Variants in MCM3AP observed in about 807,000 individuals in gnomAD.
MCM3AP encodes minichromosome maintenance complex component 3 associated protein.
MCM3AP carries 126 observed loss-of-function variants against 184.1 expected under a neutral mutation model. The ratio of observed to expected loss-of-function variants is 0.68; its 90% CI spans 0.59 to 0.79. The LOEUF (loss-of-function observed/expected upper bound fraction) is 0.79. MCM3AP is among the 30% of genes least tolerant of loss of function. The pLI is 0.00. For synonymous variants in MCM3AP, 1,002 were observed against 979.3 expected (o/e 1.02, Z -0.43); for missense variants, 2,496 against 2,479.2 (o/e 1.01, Z -0.14).
chr21:46,279,551 G>T (rs1276585838), intron 4 of MCM3AP, among the ~76,000 whole-genome samples: 1 of 152,242 alleles, frequency 6.6e-6, no homozygotes, highest in East Asian at 1.9e-4. Context: ...GCCTCCCCTG[G>T]ATCTCCTGTA....
intron 20 of MCM3AP, chr21:46,249,715 A>G (rs1335598167): frequency 2.5e-6 from 1 of 401,854 alleles, no homozygotes; most frequent in Non-Finnish European, 4.9e-6. Flanking sequence ...TAATGGCAAC[A>G]CTGAGCAAGC....
In MCM3AP at chr21:46,244,846, C is replaced by T. The variant is rs777598152; in HGVS notation, c.4999G>A (p.Gly1667Arg). The T allele has an allele frequency of 5.6e-6, 9 of 1,613,976 alleles. No homozygotes were observed. The highest frequency in any genetic ancestry group is 2.7e-5 in the African/African-American group (2 of 74,948). Reference protein sequence around the residue: ...HLAWLKQAVLGFQLPQMDLPP... With the variant: ...HLAWLKQAVLRFQLPQMDLPP... ...AGGTCCATCTGCGGAAGCTGGAACC[C>T]GAGCACAGCCTGCTTCAGCCAGGCC... Residue 1667 changes from glycine (G) to arginine (R), a missense_variant, in exon 23 of 28, where the codon GGG becomes AGG. Coordinates refer to ENST00000291688, the MANE Select transcript of MCM3AP (RefSeq NM_003906.5).
chr21:46,275,088 A>ATAG, intron 6 of MCM3AP, 98 bp downstream of exon 6: 1 of 1,358,692 alleles, frequency 7.4e-7, no homozygotes, highest in African/African-American at 1.5e-5. Context: ...CAAATACCCA[A>ATAG]CACTGTCTAA....
rs55695472 is a variant in MCM3AP, at chr21:46,258,737, A to ATGTGTGTGTGTG, written c.3734+190_3734+201dup. ...CTCCTGACTTTTCCCCTTATATTGT[A>ATGTGTGTGTGTG]TGTGTGTGTGTGTGTGTGTGTAATC... On this transcript the variant is annotated intron_variant, in intron 16 of 27. Transcript: ENST00000291688. Among the ~76,000 whole-genome samples the ATGTGTGTGTGTG allele has an allele frequency of 2.2e-3, 335 of 150,186 alleles. 3 individuals are homozygous for ATGTGTGTGTGTG. The highest frequency in any genetic ancestry group is 4.5e-3 in the Admixed American group (68 of 15,020).
At chr21:46,269,672 C>T (rs531143093) in intron 9 of MCM3AP, among the ~76,000 whole-genome samples, 75 of 152,304 alleles carry the variant, frequency 4.9e-4, no homozygotes, top group African/African-American at 1.6e-3. Context: ...GTGGCCACTA[C>T]GGGCTTGTGG....
upstream of MCM3AP, chr21:46,286,194 C>G (rs1339001031): frequency 6.6e-6 from 1 of 152,296 alleles, no homozygotes; most frequent in Non-Finnish European, 1.5e-5. Context: ...CCACTGGCCC[C>G]TCGGAAAGAC....
intron 26 of MCM3AP, among the ~76,000 whole-genome samples, chr21:46,240,202 C>T (rs531031381): frequency 2.0e-5 from 3 of 152,164 alleles, no homozygotes; most frequent in South Asian, 2.1e-4. Flanking sequence ...TGACTGACTA[C>T]GAGCTGCATG....
At chr21:46,280,699 C>A in intron 2 of MCM3AP, 124 bp from the exon 3 acceptor site, 2 of 659,608 alleles carry the variant, frequency 3.0e-6, no homozygotes, top group Non-Finnish European at 5.5e-6. Flanking sequence ...CTGTCCTTTG[C>A]ACGACAGTGA....
rs778459303 is a variant in MCM3AP at position 46,249,621 on chromosome 21, T to C, written c.4290+1908A>G. ...TTTGTTAATAAAATCATTTTCATAA[T>C]GGAAAAGACTCAGAAAATTCCCCTC... On this transcript the variant is annotated intron_variant, in intron 20 of 27. Coordinates refer to ENST00000291688, the MANE Select transcript of MCM3AP (RefSeq NM_003906.5). 1.3e-5 allele frequency: 6 copies of C among 452,024 alleles called. 1 individual carries two copies. Among genetic ancestry groups the C allele is most frequent in the South Asian group, 6.3e-5 (4 of 63,128 alleles). 28.0% of individuals were successfully genotyped at this position (452,024 alleles called of 1,614,324 possible).
intron 2 of MCM3AP, among the ~76,000 whole-genome samples, chr21:46,282,648 C>CA (rs928072367): frequency 1.3e-5 from 2 of 151,552 alleles, no homozygotes; most frequent in Non-Finnish European, 2.9e-5. Flanking sequence ...ACTAAAAATA[C>CA]AAAAAAATTA....
At chr21:46,282,497 C>T (rs1411048023) in intron 2 of MCM3AP, among the ~76,000 whole-genome samples, 1 of 152,046 alleles carries the variant, frequency 6.6e-6, no homozygotes, top group Non-Finnish European at 1.5e-5. Context: ...TTCACTGCAC[C>T]CTAGAAAGTA....
At chr21:46,276,304 T>TTTA (rs34871802) in intron 5 of MCM3AP, among the ~76,000 whole-genome samples, 62,195 of 151,182 alleles carry the variant, frequency 0.41, 13,209 homozygotes, top group Admixed American at 0.48. Context: ...TAATAATAAT[T>TTTA]TTTAGAATAT....
At chr21:46,241,318 G>A in intron 25 of MCM3AP, 2 of 294,750 alleles carry the variant, frequency 6.8e-6, no homozygotes, top group Non-Finnish European at 1.3e-5. Flanking sequence ...TAGGTTTTTG[G>A]AGCTTCTCTG....
chr21:46,261,215 G>C lies in MCM3AP; in HGVS notation c.3467+65C>G, dbSNP rs1282525444. Reference sequence around the variant, plus strand: ...GACAATAGCAGGAGCATCGTGGCTAGGGTCAGTTCTTGCCTGTGTCCACAC... The same window carrying C: ...GACAATAGCAGGAGCATCGTGGCTACGGTCAGTTCTTGCCTGTGTCCACAC... On this transcript the variant is annotated intron_variant, in intron 14 of 27. Transcript: ENST00000291688. The C allele has an allele frequency of 2.5e-6, 4 of 1,587,858 alleles. No homozygotes were observed. The African/African-American group carries it at 5.4e-5, about 21-fold the overall frequency.
intron 18 of MCM3AP, 54 bp from the exon 19 acceptor site, chr21:46,254,580 C>G: frequency 2.5e-6 from 4 of 1,600,060 alleles, no homozygotes; most frequent in Non-Finnish European, 2.6e-6. Flanking sequence ...CTTGCAGGAG[C>G]AGCACACACA....
chr21:46,273,731 T>A, intron 6 of MCM3AP, 146 bp from the exon 7 acceptor site: 1 of 653,582 alleles, frequency 1.5e-6, no homozygotes, highest in Non-Finnish European at 2.6e-6. Flanking sequence ...AAATTTCTGT[T>A]AAAAGGTGAC....
rs777655746 is a variant in MCM3AP at position 46,266,037 on chromosome 21, G to A, written c.2919C>T (p.Pro973=). The A allele has an allele frequency of 1.6e-4, 256 of 1,611,428 alleles. 1 individual carries two copies. Among genetic ancestry groups the A allele is most frequent in the South Asian group, 7.5e-4 (68 of 90,192 alleles). Residue 973 remains proline (P), a synonymous_variant, in exon 11 of 28, where the codon CCC becomes CCT. Coordinates refer to ENST00000291688, the MANE Select transcript of MCM3AP (RefSeq NM_003906.5). ...GEIVNGGPLP[P]VPRHTPVCSF... ...TGCACACAGGGGTATGACGAGGGAC[G>A]GGGGGCAATGGCCCTCCGTTCACAA...
chr21:46,279,304 T>C lies in MCM3AP; in HGVS notation c.1667+689A>G, dbSNP rs113755965. Among the ~76,000 whole-genome samples the C allele has an allele frequency of 1.4e-4, 21 of 152,164 alleles. 1 individual carries two copies. Among genetic ancestry groups the C allele is most frequent in the African/African-American group, 5.1e-4 (21 of 41,508 alleles). The stretch of plus-strand genomic sequence containing the variant: ...GTGTCTCAAAAAAAAAAGGAATGCA[T>C]GGTTTATTACAGCCAGTTAAATGTC... On this transcript the variant is annotated intron_variant, in intron 4 of 27. Transcript: ENST00000291688.
Position 46,266,421 on chromosome 21 carries a change from A to G in MCM3AP, c.2790-255T>C, listed in dbSNP as rs145882548. 1.2e-3 allele frequency: 460 copies of G among 368,500 alleles called. 6 individuals carry two copies. The East Asian group carries it at 0.019, about 15-fold the overall frequency. 22.8% of individuals were successfully genotyped at this position (368,500 alleles called of 1,614,324 possible). ...CTTGCTGGCTCACCCAAAACCGTCT[A>G]ATTTTCTGAGGACAGAACTGGAAGG... On this transcript the variant is annotated intron_variant, in intron 10 of 27. Transcript: ENST00000291688.
Sources: allele counts gnomAD v4.1 joint callset (sites outside exome capture counted in the v4.1 genomes callset), GRCh38; gene constraint gnomAD v4.1.1; transcripts MANE v1.5; gene names NCBI Gene and HGNC (gene_info 2026-07-23, HGNC 2026-07-21).